Variants in NRG3 observed in about 807,000 individuals in gnomAD.
NRG3 encodes pro-neuregulin-3, membrane-bound isoform.
In NRG3, 31 loss-of-function variants were observed where a neutral mutation model predicts 66.9. The observed-to-expected ratio is 0.46, with a 90% CI of 0.35 to 0.63. NRG3 has a LOEUF of 0.63. Ranked by LOEUF, NRG3 falls within the 20% of genes least tolerant of loss-of-function variation. The probability of loss-of-function intolerance (pLI) is 0.00; values close to 1 mark genes in which losing one functional copy is unlikely to be tolerated. For missense variants in NRG3, 910 were observed against 878.9 expected (o/e 1.04, Z -0.45); for synonymous variants, 393 against 359.4 (o/e 1.09, Z -1.06).
intron 4 of NRG3, among the ~76,000 whole-genome samples, chr10:82,905,292 A>G (rs1844620568): frequency 6.6e-6 from 1 of 152,080 alleles, no homozygotes. Context: ...TTTCTCTCCG[A>G]TTGTCTTAAT....
intron 2 of NRG3, among the ~76,000 whole-genome samples, chr10:82,402,017 T>G (rs2087139019): frequency 6.6e-6 from 1 of 152,124 alleles, no homozygotes; most frequent in Non-Finnish European, 1.5e-5. Flanking sequence ...TCAACAGTAA[T>G]TAATCAAATT....
chr10:82,315,380 C>T (rs1226802185), intron 1 of NRG3, among the ~76,000 whole-genome samples: 1 of 152,082 alleles, frequency 6.6e-6, no homozygotes, highest in African/African-American at 2.4e-5. Flanking sequence ...TCAAAATAGC[C>T]TAAAGTAAAA....
rs1292949867 is a variant in NRG3 at position 82,952,493 on chromosome 10, G to C, written c.1157+922G>C. Among the ~76,000 whole-genome samples the C allele has an allele frequency of 1.4e-3, 206 of 150,216 alleles. 4 individuals are homozygous for C. Among genetic ancestry groups the C allele is most frequent in the African/African-American group, 4.5e-3 (183 of 40,644 alleles). On this transcript the variant is annotated intron_variant, in intron 5 of 8. Coordinates refer to ENST00000372141, the MANE Select transcript of NRG3 (RefSeq NM_001010848.4). ...TCTCTGTGTGTGTGTGTGTGTGTGT[G>C]TGTGTGTGTGTGTGTGTGTGTGTGT...
At chr10:82,149,663 A>T (rs972141296) in intron 1 of NRG3, among the ~76,000 whole-genome samples, 2 of 151,126 alleles carry the variant, frequency 1.3e-5, no homozygotes, top group Admixed American at 1.3e-4. Context: ...TCTGAATAAG[A>T]TATTAACAGG....
intron 2 of NRG3, among the ~76,000 whole-genome samples, chr10:82,635,460 G>T (rs1236280105): frequency 6.6e-6 from 1 of 151,738 alleles, no homozygotes; most frequent in African/African-American, 2.4e-5. Flanking sequence ...CCCAAGAAGG[G>T]ACATATTCCT....
chr10:82,591,067 C>T (rs2046954475), intron 2 of NRG3, among the ~76,000 whole-genome samples: 5 of 152,194 alleles, frequency 3.3e-5, no homozygotes, highest in Non-Finnish European at 7.3e-5. Context: ...TGAGGCACAT[C>T]AGCTGTCAGT....
chr10:82,268,543 C>A (rs547374856), intron 1 of NRG3, among the ~76,000 whole-genome samples: 5 of 152,056 alleles, frequency 3.3e-5, no homozygotes, highest in Non-Finnish European at 5.9e-5. Context: ...TAAATCTATC[C>A]TCTTTCTTAT....
intron 1 of NRG3, among the ~76,000 whole-genome samples, chr10:82,080,194 T>C (rs1175931977): frequency 6.6e-6 from 1 of 152,124 alleles, no homozygotes; most frequent in African/African-American, 2.4e-5. Flanking sequence ...TGACTCTTCA[T>C]GACACCTCCT....
chr10:82,632,629 G>A (rs10787290), intron 2 of NRG3, among the ~76,000 whole-genome samples: 63,689 of 151,956 alleles, frequency 0.42, 14,297 homozygotes, highest in Non-Finnish European at 0.51. Context: ...AAAAGAGAAG[G>A]ACTGTGTAGT....
At chr10:82,740,185 C>A (rs1174672689) in intron 3 of NRG3, among the ~76,000 whole-genome samples, 1 of 141,016 alleles carries the variant, frequency 7.1e-6, no homozygotes, top group Non-Finnish European at 1.5e-5. Context: ...TCCCCCTTTC[C>A]TCCCTTCCTC....
chr10:82,667,279 C>T (rs1469571364), intron 2 of NRG3, among the ~76,000 whole-genome samples: 1 of 152,136 alleles, frequency 6.6e-6, no homozygotes, highest in East Asian at 1.9e-4. Flanking sequence ...ACAGGCACCA[C>T]CCTGAGGCAG....
intron 2 of NRG3, among the ~76,000 whole-genome samples, chr10:82,693,352 ATT>A (rs34492546): frequency 6.6e-6 from 1 of 152,200 alleles, no homozygotes; most frequent in African/African-American, 2.4e-5. Context: ...TGATAATTGC[ATT>A]TTTTAAAAGA....
chr10:82,900,222 A>G (rs1341234959), intron 4 of NRG3, among the ~76,000 whole-genome samples: 2 of 152,150 alleles, frequency 1.3e-5, no homozygotes, highest in Non-Finnish European at 2.9e-5. Context: ...CCATGGTCCA[A>G]TCACCTCCCA....
intron 1 of NRG3, among the ~76,000 whole-genome samples, chr10:82,336,420 A>C (rs1039653843): frequency 6.6e-6 from 1 of 152,184 alleles, no homozygotes; most frequent in African/African-American, 2.4e-5. Context: ...GTAGATTTCT[A>C]GCCTACTATC....
intron 2 of NRG3, among the ~76,000 whole-genome samples, chr10:82,662,038 C>T (rs970666013): frequency 2.0e-5 from 3 of 152,156 alleles, no homozygotes; most frequent in African/African-American, 7.2e-5. Context: ...TTATAACAAG[C>T]CAGGAAAGAG....
chr10:82,302,436 C>A (rs1027787144), intron 1 of NRG3, among the ~76,000 whole-genome samples: 4 of 152,026 alleles, frequency 2.6e-5, no homozygotes, highest in Non-Finnish European at 4.4e-5. Context: ...TAAAATTCTG[C>A]TGAACAATAA....
intron 3 of NRG3, among the ~76,000 whole-genome samples, chr10:82,797,153 C>T (rs1024194344): frequency 2.6e-5 from 4 of 152,146 alleles, no homozygotes; most frequent in Admixed American, 2.0e-4. Flanking sequence ...TTCTGAAAGT[C>T]TTTCCTGCTC....
intron 4 of NRG3, among the ~76,000 whole-genome samples, chr10:82,938,380 A>G (rs1273150037): frequency 6.6e-6 from 1 of 152,206 alleles, no homozygotes; most frequent in Non-Finnish European, 1.5e-5. Flanking sequence ...ATGTATAGCC[A>G]GAGGAGAGAA....
At chr10:82,176,329 A>G (rs1365275103) in intron 1 of NRG3, among the ~76,000 whole-genome samples, 1 of 152,160 alleles carries the variant, frequency 6.6e-6, no homozygotes, top group Non-Finnish European at 1.5e-5. Context: ...TCTCAGGAGC[A>G]TATACACATC....
Sources: allele counts gnomAD v4.1 joint callset (sites outside exome capture counted in the v4.1 genomes callset), GRCh38; gene constraint gnomAD v4.1.1; transcripts MANE v1.5; gene names NCBI Gene and HGNC (gene_info 2026-07-23, HGNC 2026-07-21).